MAP4K2: variants seen among roughly 807,000 people sequenced by gnomAD.
MAP4K2 encodes B lymphocyte serine/threonine protein kinase.
Under a neutral mutation model 125.3 loss-of-function variants are expected in MAP4K2, and 85 were observed. The ratio of observed to expected loss-of-function variants is 0.68; its 90% confidence interval spans 0.57 to 0.81. The LOEUF is 0.81. MAP4K2 is among the 40% of genes least tolerant of loss of function. MAP4K2 has a pLI of 0.00. For missense variants in MAP4K2, 923 were observed against 1,056.4 expected, an observed-to-expected ratio of 0.87 and a Z score of 1.75; for synonymous variants, 479 against 445.1, an observed-to-expected ratio of 1.08 and a Z score of -0.96.
Position 64,792,016 on chromosome 11 carries a change from G to C in MAP4K2, c.1985C>G (p.Pro662Arg), listed in dbSNP as rs1311610042. 8 of 1,598,166 alleles carry C rather than the reference G, an allele frequency of 5.0e-6. No individual in the cohort carries two copies. Among genetic ancestry groups the C allele is most frequent in the African/African-American group, 1.3e-5 (1 of 74,736 alleles). The change falls in exon 27 of 32, where the codon CCG becomes CGG. Residue 662 changes from proline to arginine, a missense_variant. Pro to Arg is a moderately radical substitution (Grantham distance 103). Coordinates refer to ENST00000294066, the MANE Select transcript of MAP4K2 (RefSeq NM_004579.5). ...EPLVLDGKEL[P>R]QVCVGAEGPE... ...CCCCTCGGCCCCAACACACACCTGC[G>C]GCAGCTCCTTCCCATCCAGCACCAG...
intron 29 of MAP4K2, 79 bp from the exon 30 acceptor site, chr11:64,790,038 C>G (rs1230315394): frequency 1.7e-5 from 26 of 1,567,414 alleles, no homozygotes; most frequent in Non-Finnish European, 2.3e-5. Flanking sequence ...GTCTGGGCCA[C>G]AGGGGTCCTC....
chr11:64,794,195 A>G (rs531429067), intron 24 of MAP4K2, among the ~76,000 whole-genome samples: 19 of 152,270 alleles, frequency 1.2e-4, no homozygotes, highest in African/African-American at 2.9e-4. Context: ...AATTGAATTC[A>G]GCTCCCCCTG....
chr11:64,802,345 T>TC, intron 4 of MAP4K2, 74 bp downstream of exon 4: 1 of 1,414,130 alleles, frequency 7.1e-7, no homozygotes, highest in Admixed American at 2.2e-5. Flanking sequence ...GGGCCCAGAG[T>TC]CCCCTCTGGT....
chr11:64,796,643 C>T lies in MAP4K2; in HGVS notation c.1563G>A (p.Thr521=), dbSNP rs181086388. ...GCCAGCCGGGCCTCACCTTCTCCAG[C>T]GTATCCTCATGCAGTTCATGCAGGT... ...TLNLHELHED[T]LEKLISHRCS... The change falls in exon 22 of 32, where the codon ACG becomes ACA. Residue 521 remains threonine, a synonymous_variant. Transcript: ENST00000294066. 1.2e-5 allele frequency: 19 copies of T among 1,614,002 alleles called. No homozygotes were observed. Among genetic ancestry groups the T allele is most frequent in the African/African-American group, 5.3e-5 (4 of 74,950 alleles).
intron 2 of MAP4K2, 96 bp from the exon 3 acceptor site, chr11:64,802,749 C>T: frequency 2.7e-6 from 4 of 1,472,606 alleles, no homozygotes; most frequent in Non-Finnish European, 3.7e-6. Flanking sequence ...TCCCTCCGGG[C>T]CAGGCAGGTG....
chr11:64,792,705 T>C (rs747588686), intron 24 of MAP4K2, among the ~76,000 whole-genome samples: 65 of 151,930 alleles, frequency 4.3e-4, no homozygotes, highest in Non-Finnish European at 8.5e-4. Context: ...ACTTAATCTC[T>C]CCATGCCTCA....
Position 64,799,475 on chromosome 11 carries a change from G to C in MAP4K2, c.999C>G (p.His333Gln), listed in dbSNP as rs764898663. Residue 333 changes from histidine to glutamine, a missense_variant, in exon 14 of 32, where the codon CAC (histidine) becomes CAG (glutamine). This residue lies in a region of MAP4K2 where 833 missense variants were observed against 911.4 expected (regional missense o/e 0.91). Transcript: ENST00000294066. ...AERTPSEIQF[H>Q]QVKFGAPRRK... is the part of the protein sequence containing the mutation. ...TGCGTGGGGCGCCAAATTTCACCTGGTGAACTGGGGGGCCCAGAGTACAAG... is the reference window on the plus strand; with the variant it reads ...TGCGTGGGGCGCCAAATTTCACCTGCTGAACTGGGGGGCCCAGAGTACAAG... The C allele has an allele frequency of 5.0e-6, 8 of 1,610,770 alleles. No individual in the cohort carries two copies. The highest frequency in any genetic ancestry group is 6.8e-6 in the Non-Finnish European group (8 of 1,179,120).
In MAP4K2 at chr11:64,800,631, CT is replaced by C. The variant is rs1431704203; in HGVS notation, c.725+132del. 3.1e-6 allele frequency: 4 copies of C among 1,296,066 alleles called. No individual in the cohort carries two copies. The East Asian group carries it at 7.6e-5, about 24-fold the overall frequency. 80.3% of individuals were successfully genotyped at this position (1,296,066 alleles called of 1,614,324 possible). A position where few individuals can be genotyped will look rare whatever the true frequency, so the allele number is the denominator to read the frequency against. On this transcript the variant is annotated intron_variant, in intron 10 of 31. Coordinates refer to ENST00000294066, the MANE Select transcript of MAP4K2 (RefSeq NM_004579.5). ...TTCAACCCACAGAAGGACCAGGCCC[CT>C]GACTCAGATGGTCTGTAGTAGCCCA...
In MAP4K2 at chr11:64,792,204, A is replaced by C. The variant is rs888786278; in HGVS notation, c.1882T>G (p.Tyr628Asp). The C allele has an allele frequency of 1.2e-6, 2 of 1,612,054 alleles. No homozygotes were observed. The highest frequency in any genetic ancestry group is 2.7e-5 in the African/African-American group (2 of 74,848). ...LPTSLLLLQW[Y>D]EPLQKFLLLK... ...AGCAGAAACTTCTGCAGCGGCTCATACCACTGCAGCAGGAGCAGGCTGGTG... is the reference window on the plus strand; with the variant it reads ...AGCAGAAACTTCTGCAGCGGCTCATCCCACTGCAGCAGGAGCAGGCTGGTG... Residue 628 changes from tyrosine to aspartate, a missense_variant, in exon 26 of 32, where the codon TAT becomes GAT. Transcript: ENST00000294066.
rs957529446 is a variant in MAP4K2, at chr11:64,796,865, T to A, written c.1436A>T (p.Asn479Ile). The A allele has an allele frequency of 6.2e-6, 10 of 1,613,818 alleles. No homozygotes were observed. The highest frequency in any genetic ancestry group is 7.6e-6 in the Non-Finnish European group (9 of 1,180,010). ...HMGACFSKVF[N>I]GCPLRIHAAV... ...AGCGTGGATCCGCAGGGGGCAGCCA[T>A]TGAAGACCTTGGAGAAGCAGGCGCC... The change falls in exon 21 of 32, where the codon AAT becomes ATT. Residue 479 changes from asparagine to isoleucine, a missense_variant. Physicochemically the swap from Asn to Ile is moderately radical, Grantham distance 149. This residue lies in a region of MAP4K2 where 833 missense variants were observed against 911.4 expected (regional missense o/e 0.91). Transcript: ENST00000294066.
rs993772257 is a variant in MAP4K2, at chr11:64,789,363, G to A, written c.*174C>T. ...CTGGTCCAGTTATTGCAGAGGCGTCGGGGGCTCCCCTCCCTCCCCAGGCCT... is the reference window on the plus strand; with the variant it reads ...CTGGTCCAGTTATTGCAGAGGCGTCAGGGGCTCCCCTCCCTCCCCAGGCCT... On this transcript the variant is annotated 3_prime_UTR_variant, in exon 32 of 32. Coordinates refer to ENST00000294066, the MANE Select transcript of MAP4K2 (RefSeq NM_004579.5). 10 of 619,570 alleles carry A rather than the reference G, an allele frequency of 1.6e-5. No homozygotes were observed. The highest frequency in any genetic ancestry group is 5.9e-5 in the Admixed American group (2 of 34,132). The allele number at this position is 619,570 out of a possible 1,614,324, so 38.4% of individuals were successfully genotyped here.
At position 64,792,091 on chromosome 11, in the gene MAP4K2, G is replaced by T. The variant is rs763384947; in HGVS notation, c.1915-5C>A. ...GGGCAGAGGGCTGGAGAAGTTCTAG[G>T]GGGCAGCAGGGATGCTCAGGTCTCC... On this transcript the variant is annotated splice_region_variant and splice_polypyrimidine_tract_variant and intron_variant, in intron 26 of 31. Coordinates refer to ENST00000294066, the MANE Select transcript of MAP4K2 (RefSeq NM_004579.5). The T allele has an allele frequency of 1.3e-6, 2 of 1,581,478 alleles. No homozygotes were observed. Among genetic ancestry groups the T allele is most frequent in the Non-Finnish European group, 1.7e-6 (2 of 1,163,376 alleles).
chr11:64,796,420 G>C (rs778407789), intron 23 of MAP4K2, 30 bp from the exon 24 acceptor site: 11 of 1,613,440 alleles, frequency 6.8e-6, no homozygotes, highest in South Asian at 3.3e-5. Flanking sequence ...CCAGGCCTGG[G>C]GTGTTGGTGG....
At chr11:64,796,445 C>T (rs1381710544) in intron 23 of MAP4K2, 48 bp downstream of exon 23, 15 of 1,613,318 alleles carry the variant, frequency 9.3e-6, no homozygotes, top group East Asian at 4.5e-5. Context: ...GATGCTGAGG[C>T]GCTGGAGCCC....
Position 64,788,460 on chromosome 11 carries a change from G to T in MAP4K2, c.*1077C>A, listed in dbSNP as rs534519466. On this transcript the variant is annotated 3_prime_UTR_variant, in exon 32 of 32. Coordinates refer to ENST00000294066, the MANE Select transcript of MAP4K2 (RefSeq NM_004579.5). ...GGGCCCTGGCATTCAGAGCTGAGCA[G>T]ACAGACCCTTGGAGAATGACAGCGT... 1 of 152,252 alleles carries T rather than the reference G, an allele frequency of 6.6e-6. No individual in the cohort carries two copies. Among genetic ancestry groups the T allele is most frequent in the East Asian group, 1.9e-4 (1 of 5,136 alleles). The allele number at this position is 152,252 out of a possible 1,614,324, so 9.4% of individuals were successfully genotyped here. A position where few individuals can be genotyped will look rare whatever the true frequency, so the allele number is the denominator to read the frequency against.
In MAP4K2 at chr11:64,787,023, ATTT is replaced by A. The variant is rs985438141; in HGVS notation, c.*2511_*2513del. The A allele has an allele frequency of 7.9e-6, 1 of 126,776 alleles. No individual in the cohort carries two copies. The highest frequency in any genetic ancestry group is 1.6e-5 in the Non-Finnish European group (1 of 62,120). The allele number at this position is 126,776 out of a possible 1,614,324, so 7.9% of individuals were successfully genotyped here. A position where few individuals can be genotyped will look rare whatever the true frequency, so the allele number is the denominator to read the frequency against. ...TTCATATTCTCCAGGATATATATAT[ATTT>A]TTTTCTCTTTTTTTTTTTTTTGAGA... On this transcript the variant is annotated 3_prime_UTR_variant, in exon 32 of 32. Transcript: ENST00000294066.
At chr11:64,802,506 G>A in intron 3 of MAP4K2, 23 bp from the exon 4 acceptor site, 1 of 1,553,304 alleles carries the variant, frequency 6.4e-7, no homozygotes, top group Non-Finnish European at 8.7e-7. Flanking sequence ...AGCTGGGGTG[G>A]GCACAAAGCA....
In MAP4K2 at chr11:64,798,850, A is replaced by G; in HGVS notation, c.1054-13T>C. On this transcript the variant is annotated splice_polypyrimidine_tract_variant and intron_variant, in intron 14 of 31. Transcript: ENST00000294066. ...ACTCTTCCTCCCACTGGGGGAAACC[A>G]AGGTAGAGACCGGGGAAGAAGCAGA... 1 of 1,592,796 alleles carries G rather than the reference A, an allele frequency of 6.3e-7. No homozygotes were observed. The highest frequency in any genetic ancestry group is 1.7e-5 in the Admixed American group (1 of 57,190).
In MAP4K2 at chr11:64,801,534, G is replaced by A. The variant is rs1210791761; in HGVS notation, c.457+45C>T. 5.0e-6 allele frequency: 8 copies of A among 1,609,174 alleles called. No homozygotes were observed. In the African/African-American group the frequency reaches 6.7e-5, roughly 13 times the overall value. On this transcript the variant is annotated intron_variant, in intron 7 of 31. Transcript: ENST00000294066. ...CCCTTGAGTCCAGGGTAGCCGGGGA[G>A]GGTCCACAGAGCCCTCACCCTGATG...
Sources: gnomAD v4.1 joint callset for allele counts (sites outside exome capture counted in the v4.1 genomes callset) on GRCh38, gnomAD v4.1.1 for gene constraint, gnomAD v4.1.1 regional missense constraint, MANE v1.5 for transcripts, NCBI Gene and HGNC (gene_info 2026-07-23, HGNC 2026-07-21) for gene names.